Variants in DDR2 observed in about 807,000 individuals in gnomAD.
The protein encoded by DDR2 is discoidin domain-containing receptor 2.
DDR2 carries 27 observed loss-of-function variants against 94.9 expected under a neutral mutation model. That is an observed-to-expected ratio of 0.28 (90% CI 0.21 to 0.39). DDR2 has a LOEUF of 0.39. Among genes scored for constraint, DDR2 ranks in the 10% least tolerant of loss-of-function variants. The pLI is 1.00. For synonymous variants in DDR2, 382 were observed against 377.2 expected, an observed-to-expected ratio of 1.01 and a Z score of -0.15; for missense variants, 783 against 1,076.0, an observed-to-expected ratio of 0.73 and a Z score of 3.81.
chr1:162,651,728 ATAATCT>A (rs1414854394), intron 1 of DDR2, among the ~76,000 whole-genome samples: 6 of 152,246 alleles, frequency 3.9e-5, no homozygotes, highest in Admixed American at 2.0e-4. Context: ...AAATAATGTA[ATAATCT>A]TAATCTCCTA....
At position 162,682,253 on chromosome 1, in the gene DDR2, G is replaced by A. The variant is rs1434052869; in HGVS notation, c.-28+26879G>A. On this transcript the variant is annotated intron_variant, in intron 2 of 17. Transcript: ENST00000367921. Reference sequence around the variant, plus strand: ...TGCATCTCCTTTTTTAACTGGCCAGGGACTTTCCCCCAGTCACTTGGCCTG... The same window carrying A: ...TGCATCTCCTTTTTTAACTGGCCAGAGACTTTCCCCCAGTCACTTGGCCTG... Among the ~76,000 whole-genome samples the A allele has an allele frequency of 3.3e-5, 5 of 152,108 alleles. No homozygotes were observed. In the East Asian group the frequency reaches 9.7e-4, roughly 29 times the overall value.
chr1:162,660,489 G>A (rs10799858), intron 2 of DDR2, among the ~76,000 whole-genome samples: 126,417 of 152,110 alleles, frequency 0.83, 53,192 homozygotes, highest in Middle Eastern at 0.93. Context: ...CAGGATCTAG[G>A]ACCTCAGACT....
At position 162,674,991 on chromosome 1, in the gene DDR2, T is replaced by TAAAAGTACA. The variant is rs1659058914; in HGVS notation, c.-28+19622_-28+19630dup. On this transcript the variant is annotated intron_variant, in intron 2 of 17. Transcript: ENST00000367921. ...CAACATAGGGAAACCCTGTCTCTAC[T>TAAAAGTACA]AAAAGTACAAAAAAAAACTAGCCGG... Among the ~76,000 whole-genome samples, 3 of 151,716 alleles carry TAAAAGTACA rather than the reference T, an allele frequency of 2.0e-5. No homozygotes were observed. The South Asian group carries it at 6.2e-4, about 32-fold the overall frequency.
At position 162,750,678 on chromosome 1, in the gene DDR2, G is replaced by A. The variant is rs1395495730; in HGVS notation, c.83-2417G>A. Among the ~76,000 whole-genome samples the A allele has an allele frequency of 6.6e-5, 10 of 152,168 alleles. No individual in the cohort carries two copies. In the South Asian group the frequency reaches 8.3e-4, roughly 13 times the overall value. ...TTCATATGGAACCAAAAAAGAGCCC[G>A]CATTGCCAAGACAATCCTAAGCCAA... On this transcript the variant is annotated intron_variant, in intron 3 of 17. Transcript: ENST00000367921.
intron 2 of DDR2, among the ~76,000 whole-genome samples, chr1:162,656,833 G>GTTTTTTGTTT (rs1657991899): frequency 1.5e-5 from 1 of 65,682 alleles, no homozygotes; most frequent in African/African-American, 4.9e-5. Context: ...TGCCACTGGA[G>GTTTTTTGTTT]TTTTTTTTTT....
intron 1 of DDR2, among the ~76,000 whole-genome samples, chr1:162,633,299 G>A (rs1656648828): frequency 6.6e-6 from 1 of 152,126 alleles, no homozygotes; most frequent in African/African-American, 2.4e-5. Flanking sequence ...GGACCTCTGA[G>A]TCCTGGCCTA....
chr1:162,726,213 G>C (rs1242846675), intron 3 of DDR2, among the ~76,000 whole-genome samples: 1 of 152,186 alleles, frequency 6.6e-6, no homozygotes, highest in Non-Finnish European at 1.5e-5. Context: ...ATATTGTGCT[G>C]TGATAATGGC....
At chr1:162,727,007 A>T (rs1240262805) in intron 3 of DDR2, among the ~76,000 whole-genome samples, 2 of 148,900 alleles carry the variant, frequency 1.3e-5, no homozygotes, top group African/African-American at 4.9e-5. Context: ...TAGGAAAAGG[A>T]TATGAAACAA....
At chr1:162,737,233 G>A (rs374576255) in intron 3 of DDR2, among the ~76,000 whole-genome samples, 7 of 146,324 alleles carry the variant, frequency 4.8e-5, no homozygotes, top group East Asian at 4.1e-4. Flanking sequence ...ATGTATACAT[G>A]TGCCATGCTG....
intron 1 of DDR2, among the ~76,000 whole-genome samples, chr1:162,638,782 T>G (rs895580568): frequency 1.3e-5 from 2 of 152,180 alleles, no homozygotes; most frequent in African/African-American, 2.4e-5. Context: ...CACTCAAGAA[T>G]AGCAATCTGT....
At chr1:162,768,518 G>A (rs1166584534) in intron 11 of DDR2, among the ~76,000 whole-genome samples, 1 of 152,140 alleles carries the variant, frequency 6.6e-6, no homozygotes, top group Non-Finnish European at 1.5e-5. Flanking sequence ...ATGCCTGTGT[G>A]GAACCTCTAT....
intron 1 of DDR2, among the ~76,000 whole-genome samples, chr1:162,634,321 C>A (rs1362847665): frequency 6.6e-6 from 1 of 152,218 alleles, no homozygotes; most frequent in Non-Finnish European, 1.5e-5. Flanking sequence ...AGCAAAGTTG[C>A]TTTGCCTTTC....
At chr1:162,657,910 G>A (rs1022425751) in intron 2 of DDR2, among the ~76,000 whole-genome samples, 4 of 150,944 alleles carry the variant, frequency 2.6e-5, no homozygotes, top group South Asian at 2.1e-4. Context: ...CCCCCACCTC[G>A]GCTCCCTCTT....
chr1:162,689,203 C>T (rs1294442217), intron 2 of DDR2, among the ~76,000 whole-genome samples: 1 of 152,156 alleles, frequency 6.6e-6, no homozygotes, highest in Non-Finnish European at 1.5e-5. Context: ...AGCACTCTGT[C>T]ATGCAGCTGA....
At chr1:162,658,662 CAAA>C (rs796958023) in intron 2 of DDR2, among the ~76,000 whole-genome samples, 2,892 of 61,058 alleles carry the variant, frequency 0.047, 102 homozygotes, top group African/African-American at 0.15. Context: ...CTTGTCTGTA[CAAA>C]AAAAAAAAAA....
chr1:162,642,280 T>A (rs533927757), intron 1 of DDR2, among the ~76,000 whole-genome samples: 1 of 146,750 alleles, frequency 6.8e-6, no homozygotes, highest in Admixed American at 6.9e-5. Flanking sequence ...TATCTATCTA[T>A]CTATTTTTTG....
intron 2 of DDR2, among the ~76,000 whole-genome samples, chr1:162,712,551 T>C (rs1340654972): frequency 1.3e-5 from 2 of 152,066 alleles, no homozygotes; most frequent in Non-Finnish European, 2.9e-5. Context: ...ACATGGCCTG[T>C]CCAGATCCCA....
At chr1:162,647,441 C>T (rs1254221719) in intron 1 of DDR2, among the ~76,000 whole-genome samples, 2 of 152,014 alleles carry the variant, frequency 1.3e-5, no homozygotes, top group Non-Finnish European at 2.9e-5. Context: ...TTAGACCTCA[C>T]GTGAGAAAGA....
intron 3 of DDR2, among the ~76,000 whole-genome samples, chr1:162,744,365 G>T (rs1662751394): frequency 6.6e-6 from 1 of 152,000 alleles, no homozygotes; most frequent in African/African-American, 2.4e-5. Context: ...TATGATTTAG[G>T]CCATTTTTGA....
Sources: allele counts gnomAD v4.1 joint callset (sites outside exome capture counted in the v4.1 genomes callset), GRCh38; gene constraint gnomAD v4.1.1; transcripts MANE v1.5; gene names NCBI Gene and HGNC (gene_info 2026-07-23, HGNC 2026-07-21).